Variants in ANKRA2 observed in about 807,000 individuals in gnomAD.
The protein encoded by ANKRA2 is ankyrin repeat family A protein 2.
Under a neutral mutation model 37.8 loss-of-function variants are expected in ANKRA2, and 33 were observed. That is an observed-to-expected ratio of 0.87 (90% CI 0.66 to 1.17). The LOEUF is 1.17. ANKRA2 is among the 50% of genes most tolerant of loss of function. The probability of loss-of-function intolerance (pLI) is 0.00; values close to 1 mark genes in which losing one functional copy is unlikely to be tolerated. For synonymous variants in ANKRA2, 126 were observed against 132.3 expected (o/e 0.95, Z 0.33); for missense variants, 326 against 373.7 (o/e 0.87, Z 1.05).
chr5:73,553,779 CTTCT>C (rs967820937), intron 7 of ANKRA2, among the ~76,000 whole-genome samples: 19 of 98,626 alleles, frequency 1.9e-4, no homozygotes, highest in African/African-American at 2.9e-4. Flanking sequence ...ATTTTCTTTT[CTTCT>C]TTTTTTTTTT....
chr5:73,564,487 C>T (rs1747658177), intron 1 of ANKRA2, among the ~76,000 whole-genome samples: 1 of 152,214 alleles, frequency 6.6e-6, no homozygotes, highest in African/African-American at 2.4e-5. Flanking sequence ...CCAGGTGCTC[C>T]ATAAATGTTT....
intron 8 of ANKRA2, 73 bp from the exon 9 acceptor site, chr5:73,552,925 T>C: frequency 7.9e-7 from 1 of 1,262,348 alleles, no homozygotes; most frequent in South Asian, 1.3e-5. Context: ...AAATTTAACT[T>C]ATCCCCAATA....
At position 73,552,253 on chromosome 5, in the gene ANKRA2, T is replaced by TA. The variant is rs958514599; in HGVS notation, c.*543dup. 2.0e-5 allele frequency: 3 copies of TA among 152,548 alleles called. No homozygotes were observed. The highest frequency in any genetic ancestry group is 7.2e-5 in the African/African-American group (3 of 41,444). The allele number at this position is 152,548 out of a possible 1,614,324, so 9.4% of individuals were successfully genotyped here. A position where few individuals can be genotyped will look rare whatever the true frequency, so the allele number is the denominator to read the frequency against. On this transcript the variant is annotated 3_prime_UTR_variant, in exon 9 of 9. Coordinates refer to ENST00000296785, the MANE Select transcript of ANKRA2 (RefSeq NM_023039.5). The stretch of plus-strand genomic sequence containing the variant: ...TATATTGTTTGATCTAATGAAGTGT[T>TA]ACGGCAGGACAGAAGGGTGAAATTA...
Position 73,555,567 on chromosome 5 carries a change from G to A in ANKRA2, c.533C>T (p.Thr178Met), listed in dbSNP as rs778243357. The A allele has an allele frequency of 9.9e-6, 16 of 1,613,500 alleles. No individual in the cohort carries two copies. Among genetic ancestry groups the A allele is most frequent in the South Asian group, 4.4e-5 (4 of 91,078 alleles). ...RIEQENVINH[T>M]DEEGFTPLMW... ...CAGAGGAGTAAATCCTTCTTCATCC[G>A]TGTGATTGATAACATTTTCTATTTA... is the stretch of plus-strand genomic sequence containing the variant. Residue 178 changes from threonine (T) to methionine (M), a missense_variant, in exon 5 of 9, where the codon ACG (threonine) becomes ATG (methionine). Physicochemically the swap from Thr to Met is moderately conservative, Grantham distance 81. Coordinates refer to ENST00000296785, the MANE Select transcript of ANKRA2 (RefSeq NM_023039.5).
rs1230987160 is a variant in ANKRA2, at chr5:73,557,593, C to T, written c.496G>A (p.Ala166Thr). The change falls in exon 4 of 9, where the codon GCT (alanine) becomes ACT (threonine). Residue 166 changes from alanine (A) to threonine (T), a missense_variant. Around this residue, in one of 3 missense-constraint regions of ANKRA2, gnomAD observed 228 missense variants for 260.2 expected, o/e 0.88. Transcript: ENST00000296785. ...LAAQGEMLYL[A>T]TRIEQENVIN... ...CTATTACCTTGTTCGATACGAGTAG[C>T]CAGATAGAGCATCTCTCCCTGAGCA... 1 of 1,608,702 alleles carries T rather than the reference C, an allele frequency of 6.2e-7. No individual in the cohort carries two copies.
intron 1 of ANKRA2, 130 bp downstream of exon 1, chr5:73,565,002 T>G (rs1747687062): frequency 6.6e-6 from 1 of 151,612 alleles, no homozygotes; most frequent in Non-Finnish European, 1.5e-5. Flanking sequence ...GGATAGAGAG[T>G]CTACGGAGAT....
intron 3 of ANKRA2, among the ~76,000 whole-genome samples, chr5:73,558,383 G>A (rs1747458298): frequency 6.6e-6 from 1 of 152,116 alleles, no homozygotes; most frequent in Non-Finnish European, 1.5e-5. Context: ...AAACTTATCA[G>A]GAAGATGGGT....
At chr5:73,554,738 C>A in intron 6 of ANKRA2, 123 bp downstream of exon 6, 1 of 1,194,054 alleles carries the variant, frequency 8.4e-7, no homozygotes, top group Non-Finnish European at 1.2e-6. Context: ...GTGGCTGGGA[C>A]TACAGGTGTA....
chr5:73,554,249 T>C (rs919274251), intron 7 of ANKRA2, 73 bp downstream of exon 7: 11 of 1,227,596 alleles, frequency 9.0e-6, no homozygotes, highest in African/African-American at 3.0e-5. Context: ...TCCTGAGTAG[T>C]ACCAGGGGAG....
chr5:73,555,225 A>G, intron 5 of ANKRA2: 3 of 1,311,454 alleles, frequency 2.3e-6, no homozygotes, highest in South Asian at 3.3e-5. Context: ...CAGCTCCTCC[A>G]TGAAGCCTTC....
rs573833346 is a variant in ANKRA2, at chr5:73,559,678, A to T, written c.448+1452T>A. 2.0e-3 allele frequency among the ~76,000 whole-genome samples: 300 copies of T among 152,328 alleles called. 8 individuals are homozygous for T. In the South Asian group the frequency reaches 0.059, roughly 30 times the overall value. On this transcript the variant is annotated intron_variant, in intron 3 of 8. Coordinates refer to ENST00000296785, the MANE Select transcript of ANKRA2 (RefSeq NM_023039.5). The stretch of plus-strand genomic sequence containing the variant: ...TTATTTATTAACTCACTATTTTTAC[A>T]GTAAAACTTTTAAGTTTTCATAATT...
chr5:73,557,474 AT>A (rs1747432250), intron 4 of ANKRA2, 100 bp downstream of exon 4: 1 of 541,980 alleles, frequency 1.8e-6, no homozygotes, highest in Non-Finnish European at 2.7e-6. Flanking sequence ...TTATGTAACT[AT>A]TTGTTTTTGT....
At chr5:73,563,708 C>A (rs16876102) in intron 1 of ANKRA2, among the ~76,000 whole-genome samples, 15,042 of 152,122 alleles carry the variant, frequency 0.099, 1,265 homozygotes, top group African/African-American at 0.23. Context: ...TCATTTGGGA[C>A]AGAAAGGAAA....
intron 7 of ANKRA2, 24 bp from the exon 8 acceptor site, chr5:73,553,510 A>C (rs1247574260): frequency 6.4e-7 from 1 of 1,560,746 alleles, no homozygotes; most frequent in Non-Finnish European, 8.8e-7. Context: ...GAAAAACTAC[A>C]TAAATGAAAT....
Position 73,561,110 on chromosome 5 carries a change from C to T in ANKRA2, c.448+20G>A, listed in dbSNP as rs147195419. 1,670 of 1,592,278 alleles carry T rather than the reference C, an allele frequency of 1.0e-3. 20 individuals are homozygous for T. In the African/African-American group the frequency reaches 0.018, roughly 17 times the overall value. On this transcript the variant is annotated intron_variant, in intron 3 of 8. Transcript: ENST00000296785. Reference sequence around the variant, plus strand: ...GTATTACATTAAGAATATAGTAATACATCAGTGGCAAATACTTACAATTTG... The same window carrying T: ...GTATTACATTAAGAATATAGTAATATATCAGTGGCAAATACTTACAATTTG...
intron 3 of ANKRA2, among the ~76,000 whole-genome samples, chr5:73,559,068 G>A (rs1451774122): frequency 3.9e-5 from 6 of 152,150 alleles, no homozygotes; most frequent in East Asian, 1.9e-4. Context: ...TCAATGATAC[G>A]ATTGGATGGC....
intron 6 of ANKRA2, 56 bp downstream of exon 6, chr5:73,554,805 C>T (rs1747353990): frequency 6.4e-7 from 1 of 1,574,040 alleles, no homozygotes. Context: ...CTCTCCCAAA[C>T]CAAATAAATT....
At chr5:73,562,373 T>C (rs543951023) in intron 2 of ANKRA2, 125 of 418,840 alleles carry the variant, frequency 3.0e-4, no homozygotes, top group Middle Eastern at 1.3e-3. Flanking sequence ...AAACAAATAT[T>C]AAACAAGAAG....
At chr5:73,554,252 CA>C (rs1175637064) in intron 7 of ANKRA2, 69 bp downstream of exon 7, 3 of 1,261,314 alleles carry the variant, frequency 2.4e-6, no homozygotes, top group South Asian at 2.5e-5. Context: ...TGAGTAGTAC[CA>C]GGGGAGGCCA....
Sources: allele counts gnomAD v4.1 joint callset (sites outside exome capture counted in the v4.1 genomes callset), GRCh38; gene constraint gnomAD v4.1.1; regional missense constraint gnomAD v4.1.1; transcripts MANE v1.5; gene names NCBI Gene and HGNC (gene_info 2026-07-23, HGNC 2026-07-21).